Variants in NBEA observed in about 807,000 individuals in gnomAD.
The protein encoded by NBEA is lysosomal-trafficking regulator 2.
Under a neutral mutation model 343.4 loss-of-function variants are expected in NBEA, and 44 were observed. That is an observed-to-expected ratio of 0.13 (90% CI 0.10 to 0.16). NBEA has a LOEUF of 0.16. Among genes scored for constraint, NBEA ranks in the 10% least tolerant of loss-of-function variants. The pLI is 1.00. For synonymous variants in NBEA, 1,175 were observed against 1,238.7 expected (o/e 0.95, Z 1.08); for missense variants, 2,555 against 3,631.3 (o/e 0.70, Z 7.62).
intron 35 of NBEA, among the ~76,000 whole-genome samples, chr13:35,303,506 TG>T (rs1401262162): frequency 2.0e-5 from 3 of 152,186 alleles, no homozygotes; most frequent in Non-Finnish European, 4.4e-5. Flanking sequence ...TACAGTTTTC[TG>T]GGAAAGAAGT....
In NBEA at chr13:35,157,252, C is replaced by A. The variant is rs751528429; in HGVS notation, c.2826C>A (p.Leu942=). ...GCTGGAGAGTCTGGGTGGATACCCTCTCAATAGCCCATTCCAAGGTAACAC... is the reference window on the plus strand; with the variant it reads ...GCTGGAGAGTCTGGGTGGATACCCTATCAATAGCCCATTCCAAGGTAACAC... ...WGGWRVWVDT[L]SIAHSKVTYE... Residue 942 remains leucine, a synonymous_variant, in exon 21 of 59, where the codon CTC becomes CTA. Transcript: ENST00000379939. 19 of 1,572,894 alleles carry A rather than the reference C, an allele frequency of 1.2e-5. No homozygotes were observed. The highest frequency in any genetic ancestry group is 1.4e-5 in the Non-Finnish European group (16 of 1,160,072).
intron 35 of NBEA, among the ~76,000 whole-genome samples, chr13:35,308,635 G>T (rs892026089): frequency 7.2e-4 from 97 of 134,048 alleles, no homozygotes; most frequent in African/African-American, 2.1e-3. Context: ...CACACACACA[G>T]ATATATATAT....
chr13:35,310,926 AT>A (rs1174493658), intron 36 of NBEA, among the ~76,000 whole-genome samples: 4 of 152,130 alleles, frequency 2.6e-5, no homozygotes, highest in African/African-American at 4.8e-5. Flanking sequence ...CTTAGTATTC[AT>A]TTTTTATCAC....
chr13:35,380,119 G>A (rs760134855), intron 38 of NBEA, among the ~76,000 whole-genome samples: 2 of 152,072 alleles, frequency 1.3e-5, no homozygotes, highest in African/African-American at 4.8e-5. Context: ...ATGCCTTTCT[G>A]TATAGGTCAT....
chr13:35,465,317 G>A (rs1259644814), intron 40 of NBEA, among the ~76,000 whole-genome samples: 2 of 152,024 alleles, frequency 1.3e-5, no homozygotes, highest in Admixed American at 6.5e-5. Flanking sequence ...AGGTGAACAA[G>A]ATAATAACCC....
intron 41 of NBEA, among the ~76,000 whole-genome samples, chr13:35,473,097 G>C (rs995729048): frequency 6.6e-6 from 1 of 152,162 alleles, no homozygotes; most frequent in Non-Finnish European, 1.5e-5. Flanking sequence ...GCACTCAGAT[G>C]TTTAAATATT....
At chr13:35,541,359 T>C (rs1032658679) in intron 41 of NBEA, among the ~76,000 whole-genome samples, 1 of 152,006 alleles carries the variant, frequency 6.6e-6, no homozygotes, top group Non-Finnish European at 1.5e-5. Context: ...TGTTCACCAT[T>C]GGTTCCTAAT....
chr13:35,163,895 C>A (rs1170710646), intron 23 of NBEA, among the ~76,000 whole-genome samples: 1 of 152,044 alleles, frequency 6.6e-6, no homozygotes, highest in Non-Finnish European at 1.5e-5. Context: ...CAAAATAGAA[C>A]TTTCAGTTAA....
intron 34 of NBEA, among the ~76,000 whole-genome samples, chr13:35,274,421 A>G (rs1293054958): frequency 2.6e-5 from 4 of 152,202 alleles, no homozygotes; most frequent in Non-Finnish European, 4.4e-5. Flanking sequence ...TGAATGGGCA[A>G]AAACTGGAAG....
intron 34 of NBEA, among the ~76,000 whole-genome samples, chr13:35,269,732 A>T (rs2033980554): frequency 6.6e-6 from 1 of 152,212 alleles, no homozygotes; most frequent in Non-Finnish European, 1.5e-5. Flanking sequence ...GATTTTATTC[A>T]TGGAAGGGAA....
chr13:35,178,868 C>A (rs1236914750), intron 28 of NBEA, among the ~76,000 whole-genome samples: 1 of 151,340 alleles, frequency 6.6e-6, no homozygotes, highest in East Asian at 1.9e-4. Flanking sequence ...TGGGAATAGT[C>A]ATCCTGAAAA....
At chr13:35,002,683 A>G (rs1460837058) in intron 1 of NBEA, among the ~76,000 whole-genome samples, 1 of 152,194 alleles carries the variant, frequency 6.6e-6, no homozygotes, top group Non-Finnish European at 1.5e-5. Flanking sequence ...ACACATACTT[A>G]TTAATCAAAA....
At chr13:35,030,995 T>C (rs2062193379) in intron 1 of NBEA, among the ~76,000 whole-genome samples, 1 of 151,624 alleles carries the variant, frequency 6.6e-6, no homozygotes, top group South Asian at 2.1e-4. Context: ...GCTATTTACA[T>C]ATGTAATTAT....
At chr13:35,624,147 TCAC>T (rs2083122336) in intron 48 of NBEA, among the ~76,000 whole-genome samples, 1 of 151,884 alleles carries the variant, frequency 6.6e-6, no homozygotes, top group Non-Finnish European at 1.5e-5. Flanking sequence ...ATTTTCCACA[TCAC>T]CACTGCTGTT....
Position 35,110,981 on chromosome 13 carries a change from A to AC in NBEA, c.2002+3_2002+4insC. 1 of 1,594,658 alleles carries AC rather than the reference A, an allele frequency of 6.3e-7. No homozygotes were observed. Among genetic ancestry groups the AC allele is most frequent in the Non-Finnish European group, 8.6e-7 (1 of 1,165,274 alleles). On this transcript the variant is annotated splice_donor_region_variant and intron_variant, in intron 13 of 58. Coordinates refer to ENST00000379939, the MANE Select transcript of NBEA (RefSeq NM_001385012.1). ...TGGCATTACACCTAAAGGATTAGGT[A>AC]TGTATACCACTTCCACTGTATTTAC...
chr13:35,140,097 G>A (rs1344275119), intron 17 of NBEA, among the ~76,000 whole-genome samples: 7 of 152,050 alleles, frequency 4.6e-5, no homozygotes, highest in Non-Finnish European at 1.0e-4. Flanking sequence ...GCTCACTGCA[G>A]CCTTGATCTC....
chr13:35,627,433 A>G (rs2083276828), intron 48 of NBEA, among the ~76,000 whole-genome samples: 1 of 152,136 alleles, frequency 6.6e-6, no homozygotes, highest in Admixed American at 6.6e-5. Context: ...TTAGGAAATA[A>G]AAAGGCCTTT....
rs190222444 is a variant in NBEA at position 35,117,554 on chromosome 13, T to C, written c.2082+61T>C. 5.0e-3 allele frequency: 4,066 copies of C among 819,656 alleles called. 15 individuals carry two copies. Among genetic ancestry groups the C allele is most frequent in the Non-Finnish European group, 6.3e-3 (3,786 of 603,252 alleles). 50.8% of individuals were successfully genotyped at this position (819,656 alleles called of 1,614,324 possible). The stretch of plus-strand genomic sequence containing the variant: ...ATTAGGTAGAAAGGAATTTCTGGCA[T>C]GTTTTAAAATTATTAAATTAGTAAT... On this transcript the variant is annotated intron_variant, in intron 14 of 58. Transcript: ENST00000379939.
At chr13:34,986,544 A>G (rs1405970112) in intron 1 of NBEA, among the ~76,000 whole-genome samples, 1 of 150,842 alleles carries the variant, frequency 6.6e-6, no homozygotes, top group East Asian at 1.9e-4. Flanking sequence ...GTAGATGTCT[A>G]TTAGGTCTGC....
Sources: gnomAD v4.1 joint callset for allele counts (sites outside exome capture counted in the v4.1 genomes callset) on GRCh38, gnomAD v4.1.1 for gene constraint, MANE v1.5 for transcripts, NCBI Gene and HGNC (gene_info 2026-07-23, HGNC 2026-07-21) for gene names.